Variants in CSMD1 observed in about 807,000 individuals in gnomAD.
The protein encoded by CSMD1 is CUB and sushi domain-containing protein 1.
CSMD1 carries 213 observed loss-of-function variants against 417.5 expected under a neutral mutation model. That is an observed-to-expected ratio of 0.51 (90% CI 0.46 to 0.57). CSMD1 has a LOEUF of 0.57. Among genes scored for constraint, CSMD1 ranks in the 20% least tolerant of loss-of-function variants. The pLI is 0.00. For missense variants in CSMD1, 6,923 were observed against 4,529.7 expected (o/e 1.53, Z -15.17); for synonymous variants, 2,862 against 1,736.8 (o/e 1.65, Z -16.11).
intron 2 of CSMD1, among the ~76,000 whole-genome samples, chr8:4,557,513 T>C (rs751291669): frequency 1.1e-4 from 16 of 151,976 alleles, no homozygotes; most frequent in Non-Finnish European, 2.1e-4. Flanking sequence ...ATATTATCAG[T>C]TGAGAAATAA....
chr8:4,644,880 C>G (rs540759197), intron 1 of CSMD1, among the ~76,000 whole-genome samples: 2 of 152,292 alleles, frequency 1.3e-5, no homozygotes, highest in South Asian at 4.1e-4. Flanking sequence ...AGTTGACATT[C>G]AATTGTTGAA....
At chr8:4,286,594 C>G (rs1262075740) in intron 3 of CSMD1, among the ~76,000 whole-genome samples, 1 of 152,100 alleles carries the variant, frequency 6.6e-6, no homozygotes, top group East Asian at 1.9e-4. Flanking sequence ...CTGATAGCCT[C>G]ATCTATTAGG....
intron 3 of CSMD1, among the ~76,000 whole-genome samples, chr8:4,336,648 A>T (rs1220542726): frequency 6.6e-6 from 1 of 152,178 alleles, no homozygotes; most frequent in Admixed American, 6.6e-5. Flanking sequence ...AGCATGCTTC[A>T]CTTCACAGCT....
chr8:4,796,132 A>T (rs904476857), intron 1 of CSMD1, among the ~76,000 whole-genome samples: 1 of 152,070 alleles, frequency 6.6e-6, no homozygotes, highest in Admixed American at 6.5e-5. Flanking sequence ...GAGATCCAGG[A>T]CCAAAAAAAC....
At chr8:4,180,651 T>C (rs916330087) in intron 3 of CSMD1, among the ~76,000 whole-genome samples, 5 of 152,080 alleles carry the variant, frequency 3.3e-5, no homozygotes, top group South Asian at 2.1e-4. Flanking sequence ...GAAGTTCTAA[T>C]CCTGCCCTGC....
chr8:4,013,529 T>C lies in CSMD1; in HGVS notation c.611-15419A>G, dbSNP rs139479931. On this transcript the variant is annotated intron_variant, in intron 4 of 69. Coordinates refer to ENST00000635120, the MANE Select transcript of CSMD1 (RefSeq NM_033225.6). Reference sequence around the variant, plus strand: ...GCAGTGACCAGGCAGATGGTCACCATAGCTCTTAATTACATGTCAGCTTCT... The same window carrying C: ...GCAGTGACCAGGCAGATGGTCACCACAGCTCTTAATTACATGTCAGCTTCT... 2.9e-3 allele frequency among the ~76,000 whole-genome samples: 449 copies of C among 152,286 alleles called. 3 individuals carry two copies. The highest frequency in any genetic ancestry group is 0.01 in the African/African-American group (424 of 41,532).
intron 7 of CSMD1, among the ~76,000 whole-genome samples, chr8:3,683,880 T>G (rs1028594277): frequency 2.0e-5 from 3 of 152,038 alleles, no homozygotes; most frequent in Non-Finnish European, 2.9e-5. Flanking sequence ...GTTTGCTTAT[T>G]TTTATTTGAT....
At chr8:4,819,886 C>G (rs1390539266) in intron 1 of CSMD1, among the ~76,000 whole-genome samples, 3 of 151,966 alleles carry the variant, frequency 2.0e-5, no homozygotes, top group Non-Finnish European at 2.9e-5. Flanking sequence ...ACTATCTGCC[C>G]TGTGGACTTT....
intron 10 of CSMD1, among the ~76,000 whole-genome samples, chr8:3,518,345 G>A (rs180745606): frequency 7.4e-4 from 113 of 152,190 alleles, no homozygotes; most frequent in African/African-American, 2.6e-3. Flanking sequence ...GCAAACCTGC[G>A]TACCAACATC....
At chr8:3,155,359 A>AGTTTTTTTTTTTT in intron 39 of CSMD1, among the ~76,000 whole-genome samples, 1 of 43,322 alleles carries the variant, frequency 2.3e-5, no homozygotes, top group Admixed American at 4.2e-4. Context: ...CAAGGCTGGG[A>AGTTTTTTTTTTTT]TTTTTTTTTT....
chr8:3,741,390 C>G lies in CSMD1; in HGVS notation c.931+12540G>C, dbSNP rs183726623. Among the ~76,000 whole-genome samples the G allele has an allele frequency of 4.2e-3, 642 of 152,152 alleles. 2 individuals carry two copies. The highest frequency in any genetic ancestry group is 6.8e-3 in the Non-Finnish European group (465 of 68,006). Reference sequence around the variant, plus strand: ...CGAAGGGGAATGTATCACAGGATGGCATATAGGGCCAGGTTATCCCATCCA... The same window carrying G: ...CGAAGGGGAATGTATCACAGGATGGGATATAGGGCCAGGTTATCCCATCCA... On this transcript the variant is annotated intron_variant, in intron 6 of 69. Transcript: ENST00000635120.
At chr8:3,198,256 C>T (rs914004276) in intron 33 of CSMD1, among the ~76,000 whole-genome samples, 2 of 152,148 alleles carry the variant, frequency 1.3e-5, no homozygotes, top group East Asian at 3.9e-4. Context: ...AGGAAAGCCC[C>T]TTATAAAGGC....
At chr8:3,857,230 C>G (rs1406866749) in intron 5 of CSMD1, among the ~76,000 whole-genome samples, 2 of 152,046 alleles carry the variant, frequency 1.3e-5, no homozygotes, top group Non-Finnish European at 2.9e-5. Flanking sequence ...TTGATACAAC[C>G]TAGGTGGTAG....
At chr8:4,436,571 G>A (rs79647224) in intron 2 of CSMD1, among the ~76,000 whole-genome samples, 1 of 152,096 alleles carries the variant, frequency 6.6e-6, no homozygotes, top group Admixed American at 6.5e-5. Context: ...AAAATTGACA[G>A]TTACTGTTGA....
chr8:3,444,564 G>C (rs560391250), intron 12 of CSMD1, among the ~76,000 whole-genome samples: 11 of 152,082 alleles, frequency 7.2e-5, no homozygotes, highest in Non-Finnish European at 1.3e-4. Flanking sequence ...TGAGGGTGAG[G>C]ATGCTACTGG....
intron 18 of CSMD1, among the ~76,000 whole-genome samples, chr8:3,384,329 C>G (rs957338134): frequency 6.6e-6 from 1 of 152,006 alleles, no homozygotes; most frequent in African/African-American, 2.4e-5. Context: ...TAAATCAAAT[C>G]AGGCATCCAA....
At chr8:3,461,384 G>C (rs575678232) in intron 12 of CSMD1, among the ~76,000 whole-genome samples, 3 of 152,162 alleles carry the variant, frequency 2.0e-5, no homozygotes, top group Non-Finnish European at 4.4e-5. Flanking sequence ...CTCTGGATGT[G>C]GTCTTCACCC....
intron 1 of CSMD1, among the ~76,000 whole-genome samples, chr8:4,745,566 G>C (rs903731730): frequency 7.2e-5 from 11 of 152,280 alleles, no homozygotes; most frequent in African/African-American, 2.4e-4. Flanking sequence ...TTATTGAAAT[G>C]TAGCAGACAT....
chr8:3,731,782 A>C (rs1796275944), intron 6 of CSMD1, among the ~76,000 whole-genome samples: 1 of 152,188 alleles, frequency 6.6e-6, no homozygotes, highest in Admixed American at 6.5e-5. Context: ...TAACAGCATT[A>C]AGTGCTTATG....
Sources: allele counts gnomAD v4.1 joint callset (sites outside exome capture counted in the v4.1 genomes callset), GRCh38; gene constraint gnomAD v4.1.1; transcripts MANE v1.5; gene names NCBI Gene and HGNC (gene_info 2026-07-23, HGNC 2026-07-21).